HLCS: variants seen among roughly 807,000 people sequenced by gnomAD.
The protein encoded by HLCS is biotin--protein ligase.
HLCS carries 53 observed loss-of-function variants against 75.0 expected under a neutral mutation model. The observed-to-expected ratio is 0.71, with a 90% confidence interval of 0.57 to 0.89. The LOEUF (loss-of-function observed/expected upper bound fraction) is 0.89, where lower values mean the gene tolerates loss of function less well. Among genes scored for constraint, HLCS ranks in the 40% least tolerant of loss-of-function variants. HLCS has a pLI of 0.00. For missense variants in HLCS, 966 were observed against 1,074.0 expected (o/e 0.90, Z 1.41); for synonymous variants, 431 against 428.6 (o/e 1.01, Z -0.07).
chr21:36,867,918 C>A lies in HLCS; in HGVS notation c.1892+28942G>T, dbSNP rs140156246. The stretch of plus-strand genomic sequence containing the variant: ...GAGGCCAAGGTGGGAGGATCTCTTA[C>A]GGTTGGGAGGATCTCTTGAGGTCAG... On this transcript the variant is annotated intron_variant, in intron 6 of 10. Coordinates refer to ENST00000674895, the MANE Select transcript of HLCS (RefSeq NM_001352514.2). Among the ~76,000 whole-genome samples, 429 of 152,124 alleles carry A rather than the reference C, an allele frequency of 2.8e-3. 9 individuals carry two copies. In the Middle Eastern group the frequency reaches 0.037, roughly 13 times the overall value.
chr21:36,939,024 G>C, intron 2 of HLCS, 30 bp from the exon 3 acceptor site: 1 of 1,575,150 alleles, frequency 6.3e-7, no homozygotes, highest in Non-Finnish European at 8.6e-7. Flanking sequence ...GGAGGAGGTG[G>C]GAAAAGACAG....
chr21:36,772,703 G>A (rs1371032390), intron 6 of HLCS, among the ~76,000 whole-genome samples: 1 of 151,562 alleles, frequency 6.6e-6, no homozygotes, highest in Non-Finnish European at 1.5e-5. Context: ...AGGTGGAAGA[G>A]GCCGGGCGTG....
chr21:36,886,771 C>T (rs1225846440), intron 6 of HLCS, among the ~76,000 whole-genome samples: 4 of 152,116 alleles, frequency 2.6e-5, no homozygotes, highest in Non-Finnish European at 4.4e-5. Context: ...GGGATTAATG[C>T]CCTTCTATCT....
At position 36,786,624 on chromosome 21, in the gene HLCS, C is replaced by T. The variant is rs186091631; in HGVS notation, c.1893-19339G>A. 1.9e-3 allele frequency among the ~76,000 whole-genome samples: 288 copies of T among 152,284 alleles called. 3 individuals carry two copies. Among genetic ancestry groups the T allele is most frequent in the Non-Finnish European group, 1.6e-4 (11 of 68,014 alleles). On this transcript the variant is annotated intron_variant, in intron 6 of 10. Coordinates refer to ENST00000674895, the MANE Select transcript of HLCS (RefSeq NM_001352514.2). ...TAATTTCCCCTCCCCCAACCAAACA[C>T]ATAAATCTTTTCCATGCATTTTCTT...
At chr21:36,845,913 T>C (rs1031707579) in intron 6 of HLCS, among the ~76,000 whole-genome samples, 8 of 152,156 alleles carry the variant, frequency 5.3e-5, no homozygotes, top group African/African-American at 1.9e-4. Context: ...TCAACTGCTC[T>C]CTTTATATAG....
chr21:36,906,479 C>T (rs1057470521), intron 5 of HLCS, among the ~76,000 whole-genome samples: 1 of 152,160 alleles, frequency 6.6e-6, no homozygotes, highest in African/African-American at 2.4e-5. Flanking sequence ...CTGCAACAAG[C>T]CATGATGGCA....
chr21:36,947,048 C>T (rs1448568072), intron 2 of HLCS, among the ~76,000 whole-genome samples: 5 of 152,116 alleles, frequency 3.3e-5, no homozygotes, highest in African/African-American at 4.8e-5. Context: ...GGCAACCTCC[C>T]GCGGGAAGCT....
At chr21:36,989,947 A>C (rs1355967689) in intron 1 of HLCS, among the ~76,000 whole-genome samples, 2 of 151,978 alleles carry the variant, frequency 1.3e-5, no homozygotes, top group African/African-American at 2.4e-5. Flanking sequence ...CTGGGCCGCG[A>C]GGTCCCTATG....
upstream of HLCS, among the ~76,000 whole-genome samples, chr21:36,969,865 G>A (rs1164644201): frequency 4.6e-5 from 7 of 151,774 alleles, no homozygotes; most frequent in African/African-American, 1.7e-4. Context: ...GAGCCACCGC[G>A]CCCGGTCAGA....
intron 6 of HLCS, among the ~76,000 whole-genome samples, chr21:36,885,906 C>T (rs998923831): frequency 6.6e-6 from 1 of 152,126 alleles, no homozygotes; most frequent in Non-Finnish European, 1.5e-5. Context: ...TAAAAGGTTA[C>T]TGATTTTCCC....
At chr21:36,919,257 A>G (rs1020268992) in intron 5 of HLCS, among the ~76,000 whole-genome samples, 2 of 152,254 alleles carry the variant, frequency 1.3e-5, no homozygotes, top group Admixed American at 6.5e-5. Flanking sequence ...GAAATTTTCT[A>G]TGAAATGTTT....
At chr21:36,802,013 T>C (rs1408362394) in intron 6 of HLCS, among the ~76,000 whole-genome samples, 1 of 152,202 alleles carries the variant, frequency 6.6e-6, no homozygotes, top group East Asian at 1.9e-4. Flanking sequence ...ATAATGTATA[T>C]GACATAAGGT....
upstream of HLCS, among the ~76,000 whole-genome samples, chr21:36,970,291 G>A (rs1274680444): frequency 6.6e-6 from 1 of 152,162 alleles, no homozygotes; most frequent in Non-Finnish European, 1.5e-5. Context: ...GGAGGGCAGT[G>A]GTGCAATCCC....
chr21:36,771,250 A>AAATAAATAAATAAAAAAT (rs2060198837), intron 6 of HLCS, among the ~76,000 whole-genome samples: 1 of 150,426 alleles, frequency 6.6e-6, no homozygotes, highest in African/African-American at 2.5e-5. Flanking sequence ...AAATAAATAT[A>AAATAAATAAATAAAAAAT]AAATAAAATA....
At chr21:36,763,872 A>C (rs932954060) in intron 8 of HLCS, among the ~76,000 whole-genome samples, 1 of 152,210 alleles carries the variant, frequency 6.6e-6, no homozygotes, top group Non-Finnish European at 1.5e-5. Flanking sequence ...AGTAATAAGG[A>C]AGCAGGCACA....
intron 2 of HLCS, among the ~76,000 whole-genome samples, chr21:36,953,979 C>T (rs2067795046): frequency 6.6e-6 from 1 of 152,144 alleles, no homozygotes; most frequent in African/African-American, 2.4e-5. Flanking sequence ...CCGGTGTACA[C>T]AAACCTACTG....
chr21:36,976,288 T>G (rs559601533), intron 1 of HLCS, among the ~76,000 whole-genome samples: 1 of 152,260 alleles, frequency 6.6e-6, no homozygotes, highest in Non-Finnish European at 1.5e-5. Flanking sequence ...GAAAACAACC[T>G]GCTCTGAAAA....
intron 6 of HLCS, among the ~76,000 whole-genome samples, chr21:36,813,183 T>C (rs1484455585): frequency 2.0e-5 from 3 of 152,234 alleles, no homozygotes; most frequent in African/African-American, 7.2e-5. Context: ...AATGTCACTT[T>C]ACCAGACTAC....
intron 4 of HLCS, among the ~76,000 whole-genome samples, chr21:36,935,223 G>A (rs899085161): frequency 6.6e-6 from 1 of 152,194 alleles, no homozygotes; most frequent in South Asian, 2.1e-4. Flanking sequence ...AAAAAGATAA[G>A]AGGAACATTT....
Sources: allele counts gnomAD v4.1 joint callset (sites outside exome capture counted in the v4.1 genomes callset), GRCh38; gene constraint gnomAD v4.1.1; transcripts MANE v1.5; gene names NCBI Gene and HGNC (gene_info 2026-07-23, HGNC 2026-07-21).